RAB2A: variants seen among roughly 807,000 people sequenced by gnomAD.
RAB2A encodes RAB2A, member RAS oncogene family.
Under a neutral mutation model 32.5 loss-of-function variants are expected in RAB2A, and 7 were observed. The ratio of observed to expected loss-of-function variants is 0.22; its 90% CI spans 0.12 to 0.40. The LOEUF is 0.40. RAB2A is among the 10% of genes least tolerant of loss of function. RAB2A has a pLI of 1.00. For missense variants in RAB2A, 108 were observed against 260.7 expected (o/e 0.41, Z 4.03); for synonymous variants, 79 against 85.2 (o/e 0.93, Z 0.40).
At chr8:60,519,693 A>G (rs1374788575) in intron 1 of RAB2A, among the ~76,000 whole-genome samples, 1 of 152,222 alleles carries the variant, frequency 6.6e-6, no homozygotes, top group East Asian at 1.9e-4. Context: ...TTGAAGTCAG[A>G]AAAGATGTTT....
chr8:60,557,309 A>C (rs1364387345), intron 1 of RAB2A, among the ~76,000 whole-genome samples: 1 of 152,122 alleles, frequency 6.6e-6, no homozygotes, highest in African/African-American at 2.4e-5. Flanking sequence ...TGAGGTCAGG[A>C]GTTTGAGACC....
intron 6 of RAB2A, among the ~76,000 whole-genome samples, chr8:60,606,888 T>C (rs1321127296): frequency 6.6e-6 from 1 of 152,202 alleles, no homozygotes; most frequent in Non-Finnish European, 1.5e-5. Context: ...CCTCCAGGCC[T>C]GTGATGGGTT....
intron 6 of RAB2A, among the ~76,000 whole-genome samples, chr8:60,597,659 A>G (rs546033111): frequency 1.3e-5 from 2 of 152,206 alleles, no homozygotes; most frequent in South Asian, 4.1e-4. Flanking sequence ...AATAAACCAT[A>G]AAAAAGAAAA....
chr8:60,517,807 A>T (rs1411972205), intron 1 of RAB2A, among the ~76,000 whole-genome samples: 6 of 152,036 alleles, frequency 3.9e-5, no homozygotes, highest in Non-Finnish European at 5.9e-5. Context: ...ATATATATAC[A>T]TATATATAAA....
chr8:60,592,878 C>T (rs529048443), intron 6 of RAB2A, among the ~76,000 whole-genome samples: 4 of 152,096 alleles, frequency 2.6e-5, no homozygotes, highest in South Asian at 2.1e-4. Flanking sequence ...ACTTAGTTCC[C>T]GATTTCTAGA....
intron 3 of RAB2A, among the ~76,000 whole-genome samples, chr8:60,578,224 C>T (rs771873695): frequency 3.9e-5 from 6 of 152,152 alleles, no homozygotes; most frequent in Non-Finnish European, 7.4e-5. Flanking sequence ...TACTCTAGTA[C>T]TCTGAGTTAA....
intron 3 of RAB2A, among the ~76,000 whole-genome samples, chr8:60,579,218 T>C (rs1803693706): frequency 6.6e-6 from 1 of 152,128 alleles, no homozygotes; most frequent in South Asian, 2.1e-4. Context: ...AATTTTTGTA[T>C]TTTTTGTAGA....
intron 2 of RAB2A, among the ~76,000 whole-genome samples, chr8:60,563,444 A>G (rs866132459): frequency 5.9e-5 from 9 of 152,196 alleles, no homozygotes; most frequent in East Asian, 1.9e-4. Context: ...AGGATCGCCA[A>G]GTGATTCATA....
At chr8:60,535,913 G>A (rs1370763920) in intron 1 of RAB2A, among the ~76,000 whole-genome samples, 1 of 152,132 alleles carries the variant, frequency 6.6e-6, no homozygotes, top group Non-Finnish European at 1.5e-5. Context: ...TAGGACACCT[G>A]TCTCCCTGCC....
chr8:60,546,780 A>G (rs375128005), intron 1 of RAB2A, among the ~76,000 whole-genome samples: 1 of 151,838 alleles, frequency 6.6e-6, no homozygotes, highest in Non-Finnish European at 1.5e-5. Flanking sequence ...TTCCAAAATC[A>G]CCCAGGTAGT....
chr8:60,549,084 C>A, intron 1 of RAB2A, among the ~76,000 whole-genome samples: 1 of 151,288 alleles, frequency 6.6e-6, no homozygotes, highest in East Asian at 2.0e-4. Flanking sequence ...GATGTGATGG[C>A]GGCCGGGAAG....
At chr8:60,543,159 T>C (rs1222380962) in intron 1 of RAB2A, among the ~76,000 whole-genome samples, 1 of 152,142 alleles carries the variant, frequency 6.6e-6, no homozygotes, top group African/African-American at 2.4e-5. Context: ...TCTTGATTAG[T>C]GTATTAGGTT....
chr8:60,598,160 G>A (rs1484529095), intron 6 of RAB2A, among the ~76,000 whole-genome samples: 1 of 152,064 alleles, frequency 6.6e-6, no homozygotes, highest in Non-Finnish European at 1.5e-5. Context: ...AGGCACCATT[G>A]CACTCCAGCC....
chr8:60,537,657 TAA>T (rs1290875061), intron 1 of RAB2A, among the ~76,000 whole-genome samples: 1 of 152,158 alleles, frequency 6.6e-6, no homozygotes, highest in Non-Finnish European at 1.5e-5. Context: ...CCTACAATTC[TAA>T]GAGGTATTTA....
At chr8:60,568,538 T>C (rs1284788675) in intron 2 of RAB2A, among the ~76,000 whole-genome samples, 1 of 152,186 alleles carries the variant, frequency 6.6e-6, no homozygotes, top group Non-Finnish European at 1.5e-5. Context: ...GTATTATGAA[T>C]ACCATTTTAC....
intron 3 of RAB2A, among the ~76,000 whole-genome samples, chr8:60,580,847 C>G (rs1307855725): frequency 2.6e-5 from 4 of 152,246 alleles, no homozygotes; most frequent in South Asian, 4.1e-4. Context: ...AGTTGTGGAT[C>G]TTATAGTAGT....
At chr8:60,618,350 T>C (rs922492944) in intron 6 of RAB2A, among the ~76,000 whole-genome samples, 1 of 152,198 alleles carries the variant, frequency 6.6e-6, no homozygotes, top group Non-Finnish European at 1.5e-5. Flanking sequence ...TTGGATTTTG[T>C]CAAATGCTTT....
chr8:60,587,595 T>C (rs544053522), intron 5 of RAB2A, among the ~76,000 whole-genome samples: 1 of 152,296 alleles, frequency 6.6e-6, no homozygotes, highest in Admixed American at 6.5e-5. Flanking sequence ...AATGATGATA[T>C]AGTGCATTCT....
chr8:60,548,964 G>A (rs1807797123), intron 1 of RAB2A, among the ~76,000 whole-genome samples: 2 of 151,060 alleles, frequency 1.3e-5, no homozygotes, highest in Non-Finnish European at 3.0e-5. Flanking sequence ...CTTCTCAGAC[G>A]GGGCGGCAGG....
Sources: gnomAD v4.1 joint callset for allele counts (sites outside exome capture counted in the v4.1 genomes callset) on GRCh38, gnomAD v4.1.1 for gene constraint, MANE v1.5 for transcripts, NCBI Gene and HGNC (gene_info 2026-07-23, HGNC 2026-07-21) for gene names.